Variants in RBFOX1 observed in about 807,000 individuals in gnomAD.
The protein encoded by RBFOX1 is RNA binding fox-1 homolog 1, also known as RNA binding protein fox-1 homolog 1.
Under a neutral mutation model 57.7 loss-of-function variants are expected in RBFOX1, and 8 were observed. The ratio of observed to expected loss-of-function variants is 0.14; its 90% CI spans 0.08 to 0.25. RBFOX1 has a LOEUF of 0.25. Ranked by LOEUF, RBFOX1 falls within the 10% of genes least tolerant of loss-of-function variation. RBFOX1 has a pLI of 1.00. For missense variants in RBFOX1, 611 were observed against 548.5 expected, an observed-to-expected ratio of 1.11 and a Z score of -1.14; for synonymous variants, 326 against 222.4, an observed-to-expected ratio of 1.47 and a Z score of -4.15.
At chr16:7,430,100 A>C (rs2098664093) in intron 4 of RBFOX1, among the ~76,000 whole-genome samples, 1 of 152,186 alleles carries the variant, frequency 6.6e-6, no homozygotes, top group Non-Finnish European at 1.5e-5. Context: ...ATTTTTAAAA[A>C]CTTGTTCTAC....
At chr16:6,231,002 G>A (rs1342093695) in intron 1 of RBFOX1, among the ~76,000 whole-genome samples, 2 of 152,138 alleles carry the variant, frequency 1.3e-5, no homozygotes, top group Admixed American at 1.3e-4. Flanking sequence ...CCAGTAAACT[G>A]TTACATCAGT....
At chr16:5,508,241 C>A (rs139136830) in intron 2 of RBFOX1, among the ~76,000 whole-genome samples, 1 of 152,182 alleles carries the variant, frequency 6.6e-6, no homozygotes, top group South Asian at 2.1e-4. Flanking sequence ...GGGCGAGGGT[C>A]TCATCTGAGG....
chr16:6,110,830 C>A (rs2096438171), intron 1 of RBFOX1, among the ~76,000 whole-genome samples: 1 of 152,118 alleles, frequency 6.6e-6, no homozygotes, highest in African/African-American at 2.4e-5. Flanking sequence ...TGGGTAGAGG[C>A]CAGAGACGGT....
intron 3 of RBFOX1, among the ~76,000 whole-genome samples, chr16:6,992,509 C>T (rs1413192013): frequency 2.6e-5 from 4 of 152,076 alleles, no homozygotes; most frequent in Non-Finnish European, 5.9e-5. Flanking sequence ...CTACTGCATC[C>T]AGCCTAGCAA....
At chr16:5,854,183 C>A (rs956247477) in intron 3 of RBFOX1, among the ~76,000 whole-genome samples, 1 of 152,116 alleles carries the variant, frequency 6.6e-6, no homozygotes, top group Non-Finnish European at 1.5e-5. Flanking sequence ...TTTGAGTGTG[C>A]CTGGTGAGAA....
intron 4 of RBFOX1, among the ~76,000 whole-genome samples, chr16:7,466,248 G>A (rs1201098791): frequency 6.6e-6 from 1 of 152,204 alleles, no homozygotes; most frequent in Non-Finnish European, 1.5e-5. Context: ...CTACTCTGAA[G>A]TATTGTACGT....
chr16:6,843,662 C>A (rs569173197), intron 3 of RBFOX1, among the ~76,000 whole-genome samples: 39 of 152,306 alleles, frequency 2.6e-4, no homozygotes, highest in African/African-American at 8.7e-4. Context: ...GCACTCCAGC[C>A]TGGGTGACAG....
intron 4 of RBFOX1, among the ~76,000 whole-genome samples, chr16:7,405,375 G>A (rs1475330588): frequency 1.3e-5 from 2 of 152,206 alleles, no homozygotes; most frequent in African/African-American, 2.4e-5. Flanking sequence ...TCACTCCAAG[G>A]CGCTGTGCAG....
chr16:5,624,225 C>T (rs2215248), intron 3 of RBFOX1, among the ~76,000 whole-genome samples: 1 of 152,150 alleles, frequency 6.6e-6, no homozygotes, highest in Admixed American at 6.5e-5. Context: ...GACGGAGTCT[C>T]GCTCTGTCGC....
chr16:6,754,290 C>A (rs898305660), intron 3 of RBFOX1, among the ~76,000 whole-genome samples: 2 of 152,158 alleles, frequency 1.3e-5, no homozygotes, highest in Admixed American at 1.3e-4. Context: ...GACTCTCCGC[C>A]AACTCAATAT....
chr16:5,323,768 T>C (rs1200646624), intron 1 of RBFOX1, among the ~76,000 whole-genome samples: 6 of 152,228 alleles, frequency 3.9e-5, no homozygotes, highest in Non-Finnish European at 7.3e-5. Flanking sequence ...GCTGTGACGG[T>C]TGGCCTTACT....
intron 4 of RBFOX1, among the ~76,000 whole-genome samples, chr16:5,913,935 C>G (rs933022833): frequency 8.5e-5 from 13 of 152,236 alleles, no homozygotes; most frequent in African/African-American, 2.7e-4. Context: ...TTCTGTCACT[C>G]CTCTCATTCC....
intron 3 of RBFOX1, among the ~76,000 whole-genome samples, chr16:6,997,543 G>T (rs1419111773): frequency 2.0e-5 from 3 of 152,130 alleles, no homozygotes; most frequent in Admixed American, 2.0e-4. Flanking sequence ...TTCCCACAGA[G>T]TTTAATGTGT....
chr16:5,968,870 C>G (rs939251284), intron 4 of RBFOX1, among the ~76,000 whole-genome samples: 3 of 152,034 alleles, frequency 2.0e-5, no homozygotes, highest in African/African-American at 7.2e-5. Flanking sequence ...GTGCTACGTA[C>G]TCTTGAATCT....
intron 4 of RBFOX1, among the ~76,000 whole-genome samples, chr16:7,504,827 A>T (rs2072671283): frequency 1.5e-5 from 2 of 129,218 alleles, no homozygotes; most frequent in African/African-American, 6.9e-5. Context: ...ATAGTGACTA[A>T]CATTGTCTGA....
At chr16:7,138,737 T>C (rs1484301703) in intron 4 of RBFOX1, among the ~76,000 whole-genome samples, 1 of 152,194 alleles carries the variant, frequency 6.6e-6, no homozygotes, top group Non-Finnish European at 1.5e-5. Context: ...GGCCGTATGC[T>C]TGAGACTTGA....
chr16:6,152,827 T>A (rs2096807219), intron 1 of RBFOX1, among the ~76,000 whole-genome samples: 1 of 151,968 alleles, frequency 6.6e-6, no homozygotes. Flanking sequence ...CTCTTAGAGA[T>A]GAGAGAAACA....
chr16:6,821,069 AAC>A (rs2091212731), intron 3 of RBFOX1, among the ~76,000 whole-genome samples: 1 of 152,198 alleles, frequency 6.6e-6, no homozygotes, highest in African/African-American at 2.4e-5. Context: ...CAGTGTGAGA[AAC>A]ACATCTCAGA....
chr16:7,639,100 T>A (rs765778134), intron 11 of RBFOX1, among the ~76,000 whole-genome samples: 2 of 152,212 alleles, frequency 1.3e-5, no homozygotes, highest in Non-Finnish European at 2.9e-5. Flanking sequence ...TTGATCAAGA[T>A]ACAGGAATTG....
Sources: gnomAD v4.1 joint callset for allele counts (sites outside exome capture counted in the v4.1 genomes callset) on GRCh38, gnomAD v4.1.1 for gene constraint, MANE v1.5 for transcripts, NCBI Gene and HGNC (gene_info 2026-07-23, HGNC 2026-07-21) for gene names.